The following CSMD1 variants were observed in gnomAD, a reference collection of about 807,000 sequenced individuals.
CSMD1 encodes the protein CUB and Sushi multiple domains 1.
A neutral mutation model predicts 417.5 loss-of-function variants in CSMD1; 213 were observed. The ratio of observed to expected loss-of-function variants is 0.51; its 90% CI spans 0.46 to 0.57. The LOEUF (loss-of-function observed/expected upper bound fraction) is 0.57, where lower values mean the gene tolerates loss of function less well. Ranked by LOEUF, CSMD1 falls within the 20% of genes least tolerant of loss-of-function variation. CSMD1 has a pLI of 0.00. For synonymous variants in CSMD1, 2,862 were observed against 1,736.8 expected (o/e 1.65, Z -16.11); for missense variants, 6,923 against 4,529.7 (o/e 1.53, Z -15.17).
chr8:3,184,294 T>A (rs950712589), intron 36 of CSMD1, among the ~76,000 whole-genome samples: 4 of 152,216 alleles, frequency 2.6e-5, no homozygotes, highest in Non-Finnish European at 4.4e-5. Context: ...AACATGAGTT[T>A]ATCAGCCAGA....
intron 3 of CSMD1, among the ~76,000 whole-genome samples, chr8:4,278,181 A>C (rs1312984192): frequency 2.0e-5 from 3 of 152,178 alleles, no homozygotes. Flanking sequence ...TACATTCACA[A>C]TTTATATATA....
intron 10 of CSMD1, among the ~76,000 whole-genome samples, chr8:3,566,297 T>A (rs1026291726): frequency 1.1e-4 from 16 of 152,258 alleles, no homozygotes; most frequent in Non-Finnish European, 1.5e-5. Flanking sequence ...GGACTTAGTA[T>A]TTGGCAAATA....
chr8:4,204,673 G>C (rs906744474), intron 3 of CSMD1, among the ~76,000 whole-genome samples: 40 of 152,102 alleles, frequency 2.6e-4, no homozygotes, highest in Admixed American at 9.8e-4. Context: ...GTAGTATTTT[G>C]AGACACAGTT....
intron 3 of CSMD1, among the ~76,000 whole-genome samples, chr8:4,259,558 A>G (rs1326350859): frequency 1.3e-5 from 2 of 152,128 alleles, no homozygotes; most frequent in African/African-American, 4.8e-5. Context: ...TTTGATTTAC[A>G]AAGTAATACT....
intron 26 of CSMD1, among the ~76,000 whole-genome samples, chr8:3,280,381 A>C (rs542628069): frequency 6.6e-5 from 10 of 152,356 alleles, no homozygotes; most frequent in Non-Finnish European, 1.0e-4. Context: ...ATAGAAACTC[A>C]CATTTCCAGA....
chr8:4,804,459 T>C (rs1458087368), intron 1 of CSMD1, among the ~76,000 whole-genome samples: 1 of 121,710 alleles, frequency 8.2e-6, no homozygotes, highest in East Asian at 3.4e-4. Context: ...TCGGTGTAGA[T>C]TTTTTTTTTT....
At chr8:4,935,968 C>A (rs143153759) in intron 1 of CSMD1, among the ~76,000 whole-genome samples, 29 of 152,318 alleles carry the variant, frequency 1.9e-4, no homozygotes, top group African/African-American at 6.7e-4. Context: ...GCCTTTTCAG[C>A]AGCTTCATGG....
At chr8:4,436,840 G>C (rs74941433) in intron 2 of CSMD1, among the ~76,000 whole-genome samples, 2,143 of 152,282 alleles carry the variant, frequency 0.014, 55 homozygotes, top group African/African-American at 0.049. Flanking sequence ...TGGTGCAAAT[G>C]AGTGAATCTC....
At chr8:3,940,444 T>C (rs1774864755) in intron 5 of CSMD1, among the ~76,000 whole-genome samples, 1 of 151,856 alleles carries the variant, frequency 6.6e-6, no homozygotes, top group African/African-American at 2.4e-5. Flanking sequence ...AAGTAAAACA[T>C]AAGCACCTTT....
At chr8:3,907,524 G>C (rs895735856) in intron 5 of CSMD1, among the ~76,000 whole-genome samples, 3 of 152,134 alleles carry the variant, frequency 2.0e-5, no homozygotes, top group African/African-American at 7.2e-5. Context: ...GAATTGTGCA[G>C]ATCTTTGCTT....
At chr8:4,302,199 A>G (rs1292570305) in intron 3 of CSMD1, among the ~76,000 whole-genome samples, 1 of 152,220 alleles carries the variant, frequency 6.6e-6, no homozygotes, top group Non-Finnish European at 1.5e-5. Flanking sequence ...CTAATAAAAA[A>G]CAAAGCTTTA....
chr8:3,387,117 G>C (rs916729428), intron 18 of CSMD1, among the ~76,000 whole-genome samples: 1 of 152,108 alleles, frequency 6.6e-6, no homozygotes, highest in East Asian at 1.9e-4. Flanking sequence ...ACTGTAGACT[G>C]AGAGGAAGTG....
At chr8:3,273,479 A>G (rs1198929476) in intron 26 of CSMD1, among the ~76,000 whole-genome samples, 7 of 137,856 alleles carry the variant, frequency 5.1e-5, no homozygotes, top group African/African-American at 1.0e-4. Flanking sequence ...CTCTTTTTCT[A>G]TTGATTGGAA....
chr8:4,677,050 A>T (rs1755681497), intron 1 of CSMD1, among the ~76,000 whole-genome samples: 1 of 146,898 alleles, frequency 6.8e-6, no homozygotes, highest in Non-Finnish European at 1.5e-5. Flanking sequence ...AATTATATAT[A>T]TAGAATTATA....
chr8:4,897,036 A>G (rs115938280), intron 1 of CSMD1, among the ~76,000 whole-genome samples: 1,627 of 152,174 alleles, frequency 0.011, 37 homozygotes, highest in African/African-American at 0.034. Flanking sequence ...AGTTTTATCA[A>G]TGTTTTAAAA....
chr8:3,566,075 A>C (rs956941316), intron 10 of CSMD1, among the ~76,000 whole-genome samples: 3 of 152,138 alleles, frequency 2.0e-5, no homozygotes, highest in African/African-American at 7.2e-5. Flanking sequence ...TTCTGACCCT[A>C]GTCATTTAAA....
intron 3 of CSMD1, among the ~76,000 whole-genome samples, chr8:4,063,119 T>C (rs980461965): frequency 6.6e-6 from 1 of 152,172 alleles, no homozygotes. Flanking sequence ...CTATAGCTAA[T>C]AATTTATTGT....
intron 3 of CSMD1, among the ~76,000 whole-genome samples, chr8:4,227,806 A>T (rs1221296292): frequency 1.4e-5 from 2 of 147,032 alleles, no homozygotes; most frequent in Non-Finnish European, 3.0e-5. Flanking sequence ...CCTACAGTCA[A>T]CCCCACACCA....
chr8:4,367,409 T>C (rs1563100123), intron 3 of CSMD1, among the ~76,000 whole-genome samples: 2 of 152,156 alleles, frequency 1.3e-5, no homozygotes, highest in Non-Finnish European at 2.9e-5. Context: ...TCATTTTTCA[T>C]TGGTCTATGT....
Sources: gnomAD v4.1 joint callset for allele counts (sites outside exome capture counted in the v4.1 genomes callset) on GRCh38, gnomAD v4.1.1 for gene constraint, MANE v1.5 for transcripts, NCBI Gene and HGNC (gene_info 2026-07-23, HGNC 2026-07-21) for gene names.